GRIA1: variants seen among roughly 807,000 people sequenced by gnomAD.
GRIA1 encodes the protein glutamate receptor 1.
A neutral mutation model predicts 99.2 loss-of-function variants in GRIA1; 31 were observed. The observed-to-expected ratio is 0.31, with a 90% CI of 0.23 to 0.42. The LOEUF is 0.42. GRIA1 is among the 10% of genes least tolerant of loss of function. The probability of loss-of-function intolerance (pLI) is 1.00; values close to 1 mark genes in which losing one functional copy is unlikely to be tolerated. For synonymous variants in GRIA1, 438 were observed against 432.4 expected (o/e 1.01, Z -0.16); for missense variants, 782 against 1,157.5 (o/e 0.68, Z 4.71).
At chr5:153,621,773 A>C (rs574510206) in intron 2 of GRIA1, among the ~76,000 whole-genome samples, 1 of 152,244 alleles carries the variant, frequency 6.6e-6, no homozygotes, top group African/African-American at 2.4e-5. Context: ...ATTAACCATG[A>C]GATATTAAAG....
At chr5:153,752,113 C>T (rs900535620) in intron 11 of GRIA1, among the ~76,000 whole-genome samples, 2 of 152,058 alleles carry the variant, frequency 1.3e-5, no homozygotes, top group Admixed American at 6.6e-5. Context: ...TCAATACAGC[C>T]GAGTGATTAT....
intron 11 of GRIA1, among the ~76,000 whole-genome samples, chr5:153,762,998 C>T (rs1329122553): frequency 3.3e-5 from 5 of 152,188 alleles, no homozygotes; most frequent in Admixed American, 2.6e-4. Context: ...GCAACTGCTC[C>T]TCATGCGACA....
chr5:153,543,859 C>T (rs1043767824), intron 2 of GRIA1, among the ~76,000 whole-genome samples: 1 of 152,094 alleles, frequency 6.6e-6, no homozygotes, highest in East Asian at 1.9e-4. Flanking sequence ...ACTAAAGTGC[C>T]TGCCCTCAGT....
At chr5:153,758,848 A>G (rs1232997173) in intron 11 of GRIA1, among the ~76,000 whole-genome samples, 1 of 151,978 alleles carries the variant, frequency 6.6e-6, no homozygotes. Flanking sequence ...ACAATACAAA[A>G]CAAGTATTAA....
chr5:153,534,878 A>G (rs560617876), intron 2 of GRIA1, among the ~76,000 whole-genome samples: 2 of 151,836 alleles, frequency 1.3e-5, no homozygotes, highest in South Asian at 2.1e-4. Context: ...TCTACACGGT[A>G]ACCTTCTAGA....
Position 153,709,261 on chromosome 5 carries a change from A to G in GRIA1, c.1823+3194A>G, listed in dbSNP as rs74554573. On this transcript the variant is annotated intron_variant, in intron 11 of 15. Coordinates refer to ENST00000285900, the MANE Select transcript of GRIA1 (RefSeq NM_000827.4). ...GCAGTAGAAGGGGCTTTTAAAGCTG[A>G]CATTCATCAAACATCCTTCCAAATG... Among the ~76,000 whole-genome samples, 421 of 152,354 alleles carry G rather than the reference A, an allele frequency of 2.8e-3. 1 individual carries two copies. Among genetic ancestry groups the G allele is most frequent in the African/African-American group, 9.7e-3 (402 of 41,594 alleles).
chr5:153,745,589 C>CA (rs58166158), intron 11 of GRIA1, among the ~76,000 whole-genome samples: 1,152 of 100,520 alleles, frequency 0.011, 14 homozygotes, highest in African/African-American at 0.023. Flanking sequence ...AACTCTGTCT[C>CA]AAAAAAAAAA....
chr5:153,531,408 A>C (rs1394285138), intron 2 of GRIA1, among the ~76,000 whole-genome samples: 1 of 152,190 alleles, frequency 6.6e-6, no homozygotes, highest in Non-Finnish European at 1.5e-5. Context: ...ATATCTCTGA[A>C]GTCCAACCCC....
intron 3 of GRIA1, among the ~76,000 whole-genome samples, chr5:153,647,956 G>A (rs889060): frequency 0.41 from 61,904 of 151,964 alleles, 13,303 homozygotes; most frequent in Non-Finnish European, 0.45. Flanking sequence ...TCCAACTCCC[G>A]TGATGTTTGT....
At chr5:153,536,997 C>A (rs183206323) in intron 2 of GRIA1, among the ~76,000 whole-genome samples, 32 of 152,270 alleles carry the variant, frequency 2.1e-4, no homozygotes, top group African/African-American at 3.9e-4. Context: ...TTTCCTCAAC[C>A]ATAAAATGAA....
At chr5:153,738,717 C>CTTT (rs1320261675) in intron 11 of GRIA1, among the ~76,000 whole-genome samples, 2 of 65,964 alleles carry the variant, frequency 3.0e-5, no homozygotes, top group African/African-American at 1.4e-4. Context: ...ATCTCCATAC[C>CTTT]TTCTTTTTTT....
At chr5:153,585,109 G>A (rs1012725603) in intron 2 of GRIA1, among the ~76,000 whole-genome samples, 1 of 152,066 alleles carries the variant, frequency 6.6e-6, no homozygotes, top group Non-Finnish European at 1.5e-5. Flanking sequence ...CTTCTTAGGT[G>A]CTGGGTACAC....
intron 2 of GRIA1, among the ~76,000 whole-genome samples, chr5:153,505,024 T>C (rs1312587170): frequency 6.6e-6 from 1 of 152,132 alleles, no homozygotes; most frequent in Non-Finnish European, 1.5e-5. Context: ...AAACCTTCCC[T>C]ATACCTGAAG....
chr5:153,615,757 C>T (rs150664155), intron 2 of GRIA1, among the ~76,000 whole-genome samples: 1 of 152,120 alleles, frequency 6.6e-6, no homozygotes, highest in South Asian at 2.1e-4. Context: ...TCTTTATACT[C>T]GTAACAACTT....
intron 2 of GRIA1, among the ~76,000 whole-genome samples, chr5:153,508,016 C>T (rs1755706907): frequency 6.6e-6 from 1 of 152,186 alleles, no homozygotes; most frequent in African/African-American, 2.4e-5. Context: ...CCGCAGAAAA[C>T]AAAACCAGCA....
intron 2 of GRIA1, among the ~76,000 whole-genome samples, chr5:153,544,469 T>G (rs1799396780): frequency 6.6e-6 from 1 of 152,128 alleles, no homozygotes; most frequent in African/African-American, 2.4e-5. Flanking sequence ...CCACATCAAA[T>G]GGAAAAGTCC....
chr5:153,519,284 A>G (rs993047711), intron 2 of GRIA1, among the ~76,000 whole-genome samples: 4 of 151,868 alleles, frequency 2.6e-5, no homozygotes, highest in Non-Finnish European at 5.9e-5. Flanking sequence ...AAGAAAAGAA[A>G]TGCCAATTCG....
intron 2 of GRIA1, among the ~76,000 whole-genome samples, chr5:153,624,351 G>T (rs1470967766): frequency 6.6e-6 from 1 of 152,152 alleles, no homozygotes. Flanking sequence ...CTTGGGTTGA[G>T]GGTGACTTTG....
At chr5:153,507,472 T>A (rs1200386925) in intron 2 of GRIA1, among the ~76,000 whole-genome samples, 1 of 152,214 alleles carries the variant, frequency 6.6e-6, no homozygotes, top group Admixed American at 6.5e-5. Context: ...AAACCAGAAC[T>A]TGGCATCCTT....
Sources: allele counts gnomAD v4.1 joint callset (sites outside exome capture counted in the v4.1 genomes callset), GRCh38; gene constraint gnomAD v4.1.1; transcripts MANE v1.5; gene names NCBI Gene and HGNC (gene_info 2026-07-23, HGNC 2026-07-21).